Variants in KCNQ5 observed in about 807,000 individuals in gnomAD.
The protein encoded by KCNQ5 is potassium voltage-gated channel subfamily KQT member 5.
A neutral mutation model predicts 98.2 loss-of-function variants in KCNQ5; 30 were observed. The observed-to-expected ratio is 0.31, with a 90% CI of 0.23 to 0.41. KCNQ5 has a LOEUF of 0.41. Ranked by LOEUF, KCNQ5 falls within the 10% of genes least tolerant of loss-of-function variation. The pLI is 1.00. For missense variants in KCNQ5, 835 were observed against 1,182.5 expected, an observed-to-expected ratio of 0.71 and a Z score of 4.31; for synonymous variants, 458 against 449.4, an observed-to-expected ratio of 1.02 and a Z score of -0.24.
At chr6:72,802,273 G>C (rs946651245) in intron 1 of KCNQ5, among the ~76,000 whole-genome samples, 1 of 152,090 alleles carries the variant, frequency 6.6e-6, no homozygotes, top group African/African-American at 2.4e-5. Context: ...CCAATCAGAC[G>C]TAGATTTGGT....
chr6:73,050,698 A>G (rs920862106), intron 3 of KCNQ5, among the ~76,000 whole-genome samples: 13 of 152,168 alleles, frequency 8.5e-5, no homozygotes, highest in African/African-American at 3.1e-4. Context: ...ACCCTAAATA[A>G]ACTTGGAATG....
At chr6:72,982,707 C>T (rs1582134728) in intron 1 of KCNQ5, among the ~76,000 whole-genome samples, 2 of 152,180 alleles carry the variant, frequency 1.3e-5, no homozygotes, top group South Asian at 4.2e-4. Context: ...TGAATTTGAT[C>T]TGTCATTATG....
chr6:73,193,290 G>A (rs538338391), intron 13 of KCNQ5, among the ~76,000 whole-genome samples: 7 of 151,602 alleles, frequency 4.6e-5, no homozygotes, highest in Non-Finnish European at 1.0e-4. Flanking sequence ...AAAGTGCTGA[G>A]ATTACAGGCG....
intron 1 of KCNQ5, among the ~76,000 whole-genome samples, chr6:72,647,867 G>GACTGTT (rs1765678449): frequency 6.6e-6 from 1 of 152,128 alleles, no homozygotes; most frequent in Non-Finnish European, 1.5e-5. Flanking sequence ...ATGTAATGTT[G>GACTGTT]ACTGTTAAGA....
chr6:73,017,021 G>A (rs1299802658), intron 2 of KCNQ5, among the ~76,000 whole-genome samples: 1 of 151,846 alleles, frequency 6.6e-6, no homozygotes, highest in Non-Finnish European at 1.5e-5. Flanking sequence ...TATTTCCCTG[G>A]GTTCTGCTTA....
intron 1 of KCNQ5, among the ~76,000 whole-genome samples, chr6:72,750,211 A>G (rs1041578031): frequency 6.6e-6 from 1 of 152,112 alleles, no homozygotes; most frequent in Admixed American, 6.6e-5. Context: ...CTAAAAGAGT[A>G]CTTTGTGTGT....
chr6:72,644,515 CT>C (rs563893733), intron 1 of KCNQ5, among the ~76,000 whole-genome samples: 5 of 152,116 alleles, frequency 3.3e-5, no homozygotes, highest in Non-Finnish European at 7.3e-5. Flanking sequence ...GCTGTATTAA[CT>C]TAGAGGTTAC....
At chr6:73,074,845 T>A (rs192106114) in intron 3 of KCNQ5, among the ~76,000 whole-genome samples, 1 of 152,182 alleles carries the variant, frequency 6.6e-6, no homozygotes, top group South Asian at 2.1e-4. Context: ...ACTAGCCATG[T>A]ACTTATTTCT....
chr6:72,700,213 A>G (rs1768725935), intron 1 of KCNQ5, among the ~76,000 whole-genome samples: 1 of 152,214 alleles, frequency 6.6e-6, no homozygotes, highest in African/African-American at 2.4e-5. Context: ...AAGCTGGGAT[A>G]CAAATTCGGT....
intron 1 of KCNQ5, among the ~76,000 whole-genome samples, chr6:72,867,973 A>ACTAC (rs1562035284): frequency 2.0e-5 from 3 of 150,222 alleles, no homozygotes; most frequent in South Asian, 4.2e-4. Context: ...ACTACTACTA[A>ACTAC]TAATAATAAT....
At chr6:73,156,930 T>C (rs1174561235) in intron 10 of KCNQ5, among the ~76,000 whole-genome samples, 1 of 152,012 alleles carries the variant, frequency 6.6e-6, no homozygotes, top group Non-Finnish European at 1.5e-5. Context: ...ATGCCATCTA[T>C]CTGTTGGGTG....
chr6:72,926,479 G>A (rs1396360164), intron 1 of KCNQ5, among the ~76,000 whole-genome samples: 1 of 152,024 alleles, frequency 6.6e-6, no homozygotes, highest in African/African-American at 2.4e-5. Context: ...CATACAGTTG[G>A]TGATGTAAAC....
At chr6:72,801,714 C>A (rs1582317254) in intron 1 of KCNQ5, among the ~76,000 whole-genome samples, 2 of 151,914 alleles carry the variant, frequency 1.3e-5, no homozygotes, top group East Asian at 3.9e-4. Context: ...GCAGTTTCTT[C>A]CTAGCCTCGA....
intron 1 of KCNQ5, among the ~76,000 whole-genome samples, chr6:72,693,861 T>C (rs1768344668): frequency 6.6e-6 from 1 of 152,222 alleles, no homozygotes; most frequent in Non-Finnish European, 1.5e-5. Context: ...GCTCACAGTT[T>C]TGAAAGTAGA....
chr6:73,058,209 G>A (rs1347769599), intron 3 of KCNQ5, among the ~76,000 whole-genome samples: 3 of 152,244 alleles, frequency 2.0e-5, no homozygotes, highest in African/African-American at 7.2e-5. Flanking sequence ...TCAGGAGATC[G>A]AGACCATCCT....
rs72941595 is a variant in KCNQ5 at position 72,853,398 on chromosome 6, C to T, written c.399-150510C>T. ...TCCTTCTGTTGCCCAGGCTGGATTG[C>T]GGTGGTGCCATCGCAGCTCACTGAA... is the stretch of plus-strand genomic sequence containing the variant. On this transcript the variant is annotated intron_variant, in intron 1 of 13. Coordinates refer to ENST00000370398, the MANE Select transcript of KCNQ5 (RefSeq NM_019842.4). Among the ~76,000 whole-genome samples, 1,458 of 152,174 alleles carry T rather than the reference C, an allele frequency of 9.6e-3. 10 individuals carry two copies. Among genetic ancestry groups the T allele is most frequent in the Non-Finnish European group, 0.015 (1,046 of 67,998 alleles).
chr6:73,172,304 G>A (rs943195319), intron 11 of KCNQ5, among the ~76,000 whole-genome samples: 15 of 152,004 alleles, frequency 9.9e-5, no homozygotes, highest in African/African-American at 2.4e-4. Context: ...CAGATGCTGC[G>A]GTGAGCCAAG....
chr6:73,170,218 A>G (rs544716266), intron 11 of KCNQ5, among the ~76,000 whole-genome samples: 60 of 152,330 alleles, frequency 3.9e-4, no homozygotes, highest in Non-Finnish European at 6.8e-4. Context: ...AGAATTGTAT[A>G]TCAAAGAAAA....
intron 1 of KCNQ5, among the ~76,000 whole-genome samples, chr6:72,972,722 A>C (rs1767964325): frequency 6.6e-6 from 1 of 152,198 alleles, no homozygotes; most frequent in African/African-American, 2.4e-5. Context: ...GGTGGTTAAC[A>C]CAAGTGCCTA....
Sources: allele counts gnomAD v4.1 joint callset (sites outside exome capture counted in the v4.1 genomes callset), GRCh38; gene constraint gnomAD v4.1.1; transcripts MANE v1.5; gene names NCBI Gene and HGNC (gene_info 2026-07-23, HGNC 2026-07-21).